The following ZNF385B variants were observed in gnomAD, a reference collection of about 807,000 sequenced individuals.
ZNF385B encodes zinc finger protein 385B.
In ZNF385B, 23 loss-of-function variants were observed where a neutral mutation model predicts 39.2. The observed-to-expected ratio is 0.59, with a 90% CI of 0.42 to 0.83. The LOEUF (loss-of-function observed/expected upper bound fraction) is 0.83. Ranked by LOEUF, ZNF385B falls within the 40% of genes least tolerant of loss-of-function variation. ZNF385B has a pLI of 0.00. For missense variants in ZNF385B, 552 were observed against 598.9 expected (o/e 0.92, Z 0.82); for synonymous variants, 205 against 222.6 (o/e 0.92, Z 0.70).
At chr2:179,596,153 G>A (rs1687982354) in intron 3 of ZNF385B, among the ~76,000 whole-genome samples, 1 of 152,112 alleles carries the variant, frequency 6.6e-6, no homozygotes, top group African/African-American at 2.4e-5. Context: ...TTACCTCATA[G>A]TTCTGTAGGT....
intron 3 of ZNF385B, among the ~76,000 whole-genome samples, chr2:179,564,296 G>A (rs569868624): frequency 2.0e-5 from 3 of 152,188 alleles, no homozygotes; most frequent in Admixed American, 2.0e-4. Flanking sequence ...AAGCCTCTAC[G>A]GGGAAAACTA....
chr2:179,451,349 T>C (rs1053127528), intron 6 of ZNF385B, among the ~76,000 whole-genome samples: 41 of 151,434 alleles, frequency 2.7e-4, no homozygotes, highest in African/African-American at 1.0e-3. Flanking sequence ...GTATTAGAAA[T>C]CTTGGGGTTT....
intron 3 of ZNF385B, among the ~76,000 whole-genome samples, chr2:179,707,849 C>T (rs1049152624): frequency 2.0e-5 from 3 of 152,192 alleles, no homozygotes; most frequent in Non-Finnish European, 2.9e-5. Flanking sequence ...GATAAACAGC[C>T]TAATGCTTTT....
chr2:179,716,556 A>G (rs1039342897), intron 3 of ZNF385B, among the ~76,000 whole-genome samples: 17 of 152,240 alleles, frequency 1.1e-4, no homozygotes, highest in African/African-American at 3.9e-4. Flanking sequence ...AGCAAACAGT[A>G]TATTCCAAAG....
chr2:179,750,821 T>G (rs1411131985), intron 3 of ZNF385B, among the ~76,000 whole-genome samples: 1 of 152,104 alleles, frequency 6.6e-6, no homozygotes, highest in Non-Finnish European at 1.5e-5. Context: ...AGAAACGCAA[T>G]GATTTGTTAT....
chr2:179,830,261 C>G lies in ZNF385B; in HGVS notation c.-155+30840G>C, dbSNP rs165382. ...GTAAGGATGTGGAGAAACAGATACT[C>G]TCATTCATTGCTGTGGAGATGCAAA... On this transcript the variant is annotated intron_variant, in intron 1 of 9. Transcript: ENST00000410066. 7.6e-3 allele frequency among the ~76,000 whole-genome samples: 1,153 copies of G among 152,328 alleles called. 18 individuals are homozygous for G. The highest frequency in any genetic ancestry group is 0.026 in the African/African-American group (1,093 of 41,580).
At chr2:179,599,065 G>A (rs1688214990) in intron 3 of ZNF385B, among the ~76,000 whole-genome samples, 1 of 152,178 alleles carries the variant, frequency 6.6e-6, no homozygotes, top group Non-Finnish European at 1.5e-5. Flanking sequence ...ATACAGTCAT[G>A]AGTCGCGTAA....
At chr2:179,620,889 C>T (rs1690153101) in intron 3 of ZNF385B, among the ~76,000 whole-genome samples, 1 of 152,100 alleles carries the variant, frequency 6.6e-6, no homozygotes, top group Non-Finnish European at 1.5e-5. Context: ...ATGCTCTGCA[C>T]TAGTCTTAGT....
At chr2:179,847,459 C>G (rs572137682) in intron 1 of ZNF385B, among the ~76,000 whole-genome samples, 1 of 152,262 alleles carries the variant, frequency 6.6e-6, no homozygotes, top group African/African-American at 2.4e-5. Flanking sequence ...AAGTGAGGTC[C>G]ACTAAAGATA....
At chr2:179,481,721 T>C (rs574311044) in intron 6 of ZNF385B, among the ~76,000 whole-genome samples, 74 of 152,312 alleles carry the variant, frequency 4.9e-4, no homozygotes, top group Non-Finnish European at 8.2e-4. Context: ...GAGCATAATT[T>C]AGATAACAAA....
At chr2:179,797,896 T>C (rs550967831) in intron 1 of ZNF385B, among the ~76,000 whole-genome samples, 2 of 152,292 alleles carry the variant, frequency 1.3e-5, no homozygotes, top group East Asian at 3.9e-4. Context: ...ACTCTAATCC[T>C]ACCATTCATT....
chr2:179,651,289 G>A (rs559508638), intron 3 of ZNF385B, among the ~76,000 whole-genome samples: 97 of 152,110 alleles, frequency 6.4e-4, no homozygotes, highest in African/African-American at 2.2e-3. Flanking sequence ...ATATTTTCAG[G>A]TGAGGGATCA....
intron 1 of ZNF385B, among the ~76,000 whole-genome samples, chr2:179,777,107 A>T (rs1286748842): frequency 1.3e-5 from 2 of 151,626 alleles, no homozygotes; most frequent in African/African-American, 4.9e-5. Context: ...TGTCTATGTA[A>T]ATCAGTATCT....
At chr2:179,813,984 A>G (rs527830907) in intron 1 of ZNF385B, among the ~76,000 whole-genome samples, 46 of 152,372 alleles carry the variant, frequency 3.0e-4, no homozygotes, top group African/African-American at 1.1e-3. Context: ...AAAATAATGA[A>G]TATATAAATC....
chr2:179,694,352 T>A (rs1430118062), intron 3 of ZNF385B, among the ~76,000 whole-genome samples: 1 of 60,294 alleles, frequency 1.7e-5, no homozygotes, highest in African/African-American at 5.2e-5. Flanking sequence ...TGCATTAAGC[T>A]TTTTTTTTTT....
At chr2:179,456,522 CAAA>C (rs1222039107) in intron 6 of ZNF385B, among the ~76,000 whole-genome samples, 2 of 152,030 alleles carry the variant, frequency 1.3e-5, no homozygotes, top group Non-Finnish European at 2.9e-5. Flanking sequence ...TGAAAGGAAA[CAAA>C]AATCTTAAAT....
intron 3 of ZNF385B, among the ~76,000 whole-genome samples, chr2:179,646,823 G>A (rs1221252173): frequency 6.6e-6 from 1 of 152,206 alleles, no homozygotes; most frequent in Non-Finnish European, 1.5e-5. Context: ...AATGGCAAGA[G>A]TGTCCTACTC....
chr2:179,456,005 A>G (rs960203294), intron 6 of ZNF385B, among the ~76,000 whole-genome samples: 12 of 152,172 alleles, frequency 7.9e-5, no homozygotes, highest in Middle Eastern at 3.2e-3. Flanking sequence ...TGTGAGTACT[A>G]TACACTGAAT....
chr2:179,660,927 T>C (rs1334835909), intron 3 of ZNF385B, among the ~76,000 whole-genome samples: 1 of 152,242 alleles, frequency 6.6e-6, no homozygotes, highest in East Asian at 1.9e-4. Context: ...ATTGTTTTTA[T>C]ATTATCCTCC....
Sources: allele counts gnomAD v4.1 joint callset (sites outside exome capture counted in the v4.1 genomes callset), GRCh38; gene constraint gnomAD v4.1.1; transcripts MANE v1.5; gene names NCBI Gene and HGNC (gene_info 2026-07-23, HGNC 2026-07-21).